CLVS1: variants seen among roughly 807,000 people sequenced by gnomAD.
The protein encoded by CLVS1 is clavesin 1, also known as clavesin-1.
CLVS1 carries 10 observed loss-of-function variants against 33.1 expected under a neutral mutation model. The ratio of observed to expected loss-of-function variants is 0.30; its 90% CI spans 0.19 to 0.51. The LOEUF (loss-of-function observed/expected upper bound fraction) is 0.51. CLVS1 is among the 20% of genes least tolerant of loss of function. The pLI is 0.97. For synonymous variants in CLVS1, 163 were observed against 166.1 expected (o/e 0.98, Z 0.14); for missense variants, 343 against 433.4 (o/e 0.79, Z 1.85).
chr8:61,049,382 C>A, the CLVS1 span, among the ~76,000 whole-genome samples: 1 of 152,218 alleles, frequency 6.6e-6, no homozygotes, highest in Non-Finnish European at 1.5e-5. Context: ...CAATTTATCT[C>A]CCTTTCTCCA....
chr8:61,105,858 C>T (rs1042703671), intron 1 of CLVS1, among the ~76,000 whole-genome samples: 2 of 151,984 alleles, frequency 1.3e-5, no homozygotes, highest in African/African-American at 4.8e-5. Context: ...TGGACTGCAA[C>T]CCGTCACAGC....
At chr8:61,068,852 C>A (rs186137177) in intron 1 of CLVS1, among the ~76,000 whole-genome samples, 25 of 152,286 alleles carry the variant, frequency 1.6e-4, no homozygotes, top group African/African-American at 6.0e-4. Context: ...CTCTTCCTAC[C>A]GATGCCCCCT....
At chr8:60,964,881 T>A in the CLVS1 span, 1 of 152,082 alleles carries the variant, frequency 6.6e-6, no homozygotes, top group Non-Finnish European at 1.5e-5. Flanking sequence ...GACTGGCTGA[T>A]TTTATATTCC....
At chr8:61,417,406 C>T (rs936271610) in intron 3 of CLVS1, among the ~76,000 whole-genome samples, 30 of 152,012 alleles carry the variant, frequency 2.0e-4, no homozygotes, top group South Asian at 4.1e-4. Flanking sequence ...AATTGAACCA[C>T]GTAAAAGTTT....
intron 2 of CLVS1, among the ~76,000 whole-genome samples, chr8:61,170,586 A>G (rs1416274721): frequency 1.3e-5 from 2 of 152,200 alleles, no homozygotes; most frequent in Non-Finnish European, 2.9e-5. Context: ...AGGCTGACCC[A>G]GGTTTGAACC....
chr8:61,139,983 A>G (rs6983455), intron 2 of CLVS1, among the ~76,000 whole-genome samples: 101,962 of 151,962 alleles, frequency 0.67, 36,495 homozygotes, highest in East Asian at 0.97. Flanking sequence ...CAGAGTCTGA[A>G]CTGGCCCTCA....
intron 3 of CLVS1, among the ~76,000 whole-genome samples, chr8:61,409,183 T>C (rs1815118594): frequency 6.6e-6 from 1 of 152,218 alleles, no homozygotes; most frequent in Admixed American, 6.5e-5. Context: ...GAATAGGTAA[T>C]CCATTCACAA....
chr8:61,302,505 G>A (rs563711600), intron 2 of CLVS1, among the ~76,000 whole-genome samples: 6 of 152,244 alleles, frequency 3.9e-5, no homozygotes, highest in Admixed American at 2.6e-4. Flanking sequence ...TTGTTCAGCT[G>A]GATGCTTAGC....
chr8:61,488,349 C>G (rs1393128119), intron 5 of CLVS1, among the ~76,000 whole-genome samples: 4 of 152,134 alleles, frequency 2.6e-5, no homozygotes, highest in Non-Finnish European at 4.4e-5. Context: ...TAGTTATGAC[C>G]TTGAATGCTC....
intron 3 of CLVS1, among the ~76,000 whole-genome samples, chr8:61,379,198 C>T (rs576253517): frequency 5.9e-5 from 9 of 152,274 alleles, no homozygotes; most frequent in African/African-American, 1.4e-4. Context: ...TCTGCCATCC[C>T]GCCTTTTCTA....
intron 1 of CLVS1, chr8:61,292,510 A>G (rs1810031302): frequency 2.5e-6 from 1 of 407,006 alleles, no homozygotes; most frequent in South Asian, 1.8e-5. Flanking sequence ...AAGAGAATCT[A>G]TTCTTAGAGA....
intron 1 of CLVS1, among the ~76,000 whole-genome samples, chr8:61,110,465 T>A (rs534571402): frequency 6.6e-6 from 1 of 152,274 alleles, no homozygotes; most frequent in South Asian, 2.1e-4. Flanking sequence ...ATTTTCCCCC[T>A]TTCCTATGAT....
intron 2 of CLVS1, among the ~76,000 whole-genome samples, chr8:61,167,193 A>ATTTT (rs34299403): frequency 7.8e-6 from 1 of 128,266 alleles, no homozygotes; most frequent in African/African-American, 2.9e-5. Context: ...GCTTCCTTTA[A>ATTTT]TTTTTTTTTT....
rs531248778 is a variant in CLVS1, at chr8:61,483,491, A to C, written c.978-15964A>C. ...AAAAAGTCCAGGACCAGACGGATTC[A>C]CAGCTGAATTCTACCAGAGGTACAA... On this transcript the variant is annotated intron_variant, in intron 5 of 5. Transcript: ENST00000325897. Among the ~76,000 whole-genome samples the C allele has an allele frequency of 3.9e-4, 60 of 152,372 alleles. 1 individual carries two copies. Among genetic ancestry groups the C allele is most frequent in the Admixed American group, 2.4e-3 (37 of 15,306 alleles).
At chr8:61,417,678 T>C (rs1043831483) in intron 3 of CLVS1, among the ~76,000 whole-genome samples, 2 of 152,246 alleles carry the variant, frequency 1.3e-5, no homozygotes, top group African/African-American at 4.8e-5. Flanking sequence ...AAATATCTTA[T>C]GGCATCTTCC....
chr8:61,216,454 T>C (rs1808088951), intron 2 of CLVS1, among the ~76,000 whole-genome samples: 1 of 152,194 alleles, frequency 6.6e-6, no homozygotes, highest in Non-Finnish European at 1.5e-5. Flanking sequence ...TCTTTCAGCT[T>C]CCTCAGAAAG....
intron 1 of CLVS1, among the ~76,000 whole-genome samples, chr8:61,087,775 T>C (rs1208520714): frequency 1.3e-5 from 2 of 152,202 alleles, no homozygotes; most frequent in Admixed American, 1.3e-4. Flanking sequence ...TTTAAAAGGA[T>C]GGTGGGAGAG....
intron 2 of CLVS1, among the ~76,000 whole-genome samples, chr8:61,316,304 T>C (rs1811006849): frequency 6.6e-6 from 1 of 152,200 alleles, no homozygotes; most frequent in South Asian, 2.1e-4. Context: ...TGCTCTACAA[T>C]TGGCTACTGC....
intron 2 of CLVS1, among the ~76,000 whole-genome samples, chr8:61,149,477 G>A (rs1291236881): frequency 5.4e-5 from 8 of 149,098 alleles, no homozygotes; most frequent in African/African-American, 2.0e-4. Flanking sequence ...ACTTGAACCC[G>A]GAAGGTGGAG....
Sources: gnomAD v4.1 joint callset for allele counts (sites outside exome capture counted in the v4.1 genomes callset) on GRCh38, gnomAD v4.1.1 for gene constraint, MANE v1.5 for transcripts, NCBI Gene and HGNC (gene_info 2026-07-23, HGNC 2026-07-21) for gene names.